The following CDH13 variants were observed in gnomAD, a reference collection of about 807,000 sequenced individuals.
CDH13 encodes the protein cadherin 13, also known as cadherin-13.
A neutral mutation model predicts 63.8 loss-of-function variants in CDH13; 24 were observed. The ratio of observed to expected loss-of-function variants is 0.38; its 90% CI spans 0.27 to 0.53. The LOEUF is 0.53. Among genes scored for constraint, CDH13 ranks in the 20% least tolerant of loss-of-function variants. The pLI, the probability that CDH13 is intolerant of heterozygous loss-of-function variation, is 0.85. For synonymous variants in CDH13, 503 were observed against 355.3 expected, an observed-to-expected ratio of 1.42 and a Z score of -4.67; for missense variants, 1,049 against 903.1, an observed-to-expected ratio of 1.16 and a Z score of -2.07.
intron 1 of CDH13, among the ~76,000 whole-genome samples, chr16:82,666,462 C>G (rs991440776): frequency 6.6e-6 from 1 of 152,180 alleles, no homozygotes; most frequent in Non-Finnish European, 1.5e-5. Flanking sequence ...GAGACCCATA[C>G]TTGAATACTT....
intron 1 of CDH13, among the ~76,000 whole-genome samples, chr16:82,792,003 A>G (rs1463584759): frequency 6.6e-6 from 1 of 152,078 alleles, no homozygotes; most frequent in South Asian, 2.1e-4. Context: ...TCAAGATGAG[A>G]TTTGGGTGGG....
At chr16:83,715,248 C>T (rs1598560820) in intron 10 of CDH13, among the ~76,000 whole-genome samples, 1 of 152,284 alleles carries the variant, frequency 6.6e-6, no homozygotes, top group South Asian at 2.1e-4. Flanking sequence ...TTATGGCCAA[C>T]GCAAAGTCTA....
At chr16:83,032,306 T>C (rs1408072719) in intron 3 of CDH13, 88 bp downstream of exon 3, 2 of 962,268 alleles carry the variant, frequency 2.1e-6, no homozygotes, top group African/African-American at 1.6e-5. Context: ...TAATTTATTA[T>C]GTTGGCTAAG....
intron 1 of CDH13, among the ~76,000 whole-genome samples, chr16:82,812,501 G>T (rs1809293374): frequency 6.6e-6 from 1 of 152,062 alleles, no homozygotes; most frequent in African/African-American, 2.4e-5. Context: ...TGGTGGAGGT[G>T]CAGGGAAGAC....
chr16:83,304,803 G>C (rs2089835015), intron 5 of CDH13, among the ~76,000 whole-genome samples: 1 of 152,114 alleles, frequency 6.6e-6, no homozygotes, highest in Admixed American at 6.5e-5. Flanking sequence ...GAAGCTGCTA[G>C]TAAGAGTGAA....
intron 5 of CDH13, among the ~76,000 whole-genome samples, chr16:83,283,638 T>G (rs1331866023): frequency 6.6e-6 from 1 of 152,152 alleles, no homozygotes; most frequent in African/African-American, 2.4e-5. Context: ...CCAGGGGCAA[T>G]ATCTACCTGA....
chr16:83,106,986 G>C (rs1182652698), intron 3 of CDH13, among the ~76,000 whole-genome samples: 1 of 151,748 alleles, frequency 6.6e-6, no homozygotes, highest in African/African-American at 2.4e-5. Context: ...TAAAACTCTG[G>C]GCAGACACAC....
At chr16:83,266,893 A>G (rs145514126) in intron 5 of CDH13, among the ~76,000 whole-genome samples, 34 of 152,216 alleles carry the variant, frequency 2.2e-4, no homozygotes, top group African/African-American at 8.2e-4. Context: ...CTAACTATCA[A>G]TGACCCACAG....
At chr16:83,478,836 G>GAAAAAAAAAAAAAAAAAAAA (rs374669824) in intron 6 of CDH13, among the ~76,000 whole-genome samples, 1 of 112,318 alleles carries the variant, frequency 8.9e-6, no homozygotes, top group Non-Finnish European at 1.8e-5. Context: ...TTGAAGATGA[G>GAAAAAAAAAAAAAAAAAAAA]AAAAAAAAAA....
intron 11 of CDH13, among the ~76,000 whole-genome samples, chr16:83,763,438 G>C (rs959298456): frequency 6.6e-6 from 1 of 152,070 alleles, no homozygotes; most frequent in African/African-American, 2.4e-5. Flanking sequence ...TTCAGCCCCA[G>C]AGTGAAATGA....
At chr16:83,000,189 G>C (rs1567731385) in intron 2 of CDH13, among the ~76,000 whole-genome samples, 1 of 126,878 alleles carries the variant, frequency 7.9e-6, no homozygotes, top group Non-Finnish European at 1.6e-5. Context: ...CTATGTAAAT[G>C]CCTTGTCCCT....
At chr16:83,685,537 CT>C (rs1413491385) in intron 10 of CDH13, among the ~76,000 whole-genome samples, 3 of 152,170 alleles carry the variant, frequency 2.0e-5, no homozygotes, top group Non-Finnish European at 4.4e-5. Context: ...GTGCTAGGTG[CT>C]GTAAATTCAC....
chr16:83,728,579 A>G (rs1392784160), intron 10 of CDH13, among the ~76,000 whole-genome samples: 3 of 152,200 alleles, frequency 2.0e-5, no homozygotes, highest in East Asian at 3.9e-4. Context: ...CCAAGTGCCA[A>G]TGGAAGCCTG....
chr16:83,584,333 A>T (rs568866109), intron 7 of CDH13, among the ~76,000 whole-genome samples: 5 of 152,186 alleles, frequency 3.3e-5, no homozygotes, highest in Admixed American at 3.3e-4. Context: ...CATCTCAAAA[A>T]TTTTTAAAAA....
At chr16:82,710,943 T>TA (rs896500032) in intron 1 of CDH13, among the ~76,000 whole-genome samples, 1 of 151,430 alleles carries the variant, frequency 6.6e-6, no homozygotes, top group African/African-American at 2.4e-5. Flanking sequence ...ATTTTTTTTT[T>TA]ACCCCAACAT....
At chr16:83,214,227 C>G (rs985371968) in intron 4 of CDH13, among the ~76,000 whole-genome samples, 1 of 151,944 alleles carries the variant, frequency 6.6e-6, no homozygotes. Flanking sequence ...CCCCTTCCCA[C>G]GCAGGGAGCT....
At chr16:83,040,630 C>T (rs1203407866) in intron 3 of CDH13, among the ~76,000 whole-genome samples, 1 of 152,144 alleles carries the variant, frequency 6.6e-6, no homozygotes, top group Non-Finnish European at 1.5e-5. Context: ...TGATGCCCAC[C>T]CAGACTGAGG....
chr16:83,471,069 C>G (rs896872806), intron 6 of CDH13, among the ~76,000 whole-genome samples: 1 of 152,050 alleles, frequency 6.6e-6, no homozygotes, highest in Non-Finnish European at 1.5e-5. Context: ...CTTCCCTGTT[C>G]ACATCTCCTT....
At chr16:82,747,802 C>T (rs565617545) in intron 1 of CDH13, among the ~76,000 whole-genome samples, 1 of 152,184 alleles carries the variant, frequency 6.6e-6, no homozygotes, top group African/African-American at 2.4e-5. Flanking sequence ...TTAGGAATAG[C>T]AGAGTATTAG....
Sources: allele counts gnomAD v4.1 joint callset (sites outside exome capture counted in the v4.1 genomes callset), GRCh38; gene constraint gnomAD v4.1.1; transcripts MANE v1.5; gene names NCBI Gene and HGNC (gene_info 2026-07-23, HGNC 2026-07-21).